ZMYND11: variants seen among roughly 807,000 people sequenced by gnomAD.
The protein encoded by ZMYND11 is zinc finger MYND-type containing 11.
In ZMYND11, 9 loss-of-function variants were observed where a neutral mutation model predicts 84.9. The observed-to-expected ratio is 0.11, with a 90% CI of 0.06 to 0.18. The LOEUF is 0.18. ZMYND11 is among the 10% of genes least tolerant of loss of function. The pLI, the probability that ZMYND11 is intolerant of heterozygous loss-of-function variation, is 1.00. For missense variants in ZMYND11, 409 were observed against 761.0 expected, an observed-to-expected ratio of 0.54 and a Z score of 5.44; for synonymous variants, 250 against 244.1, an observed-to-expected ratio of 1.02 and a Z score of -0.23.
intron 2 of ZMYND11, among the ~76,000 whole-genome samples, chr10:195,650 A>G (rs1941559684): frequency 2.0e-5 from 3 of 152,228 alleles, no homozygotes; most frequent in Non-Finnish European, 4.4e-5. Flanking sequence ...AGGGATAGGC[A>G]TACATAGGGG....
At chr10:147,480 T>C (rs1056684212) in intron 1 of ZMYND11, among the ~76,000 whole-genome samples, 28 of 152,010 alleles carry the variant, frequency 1.8e-4, no homozygotes, top group African/African-American at 5.8e-4. Context: ...AAGCTTCAAA[T>C]TTTTATTTTT....
At chr10:201,057 C>T (rs974974682) in intron 2 of ZMYND11, among the ~76,000 whole-genome samples, 2 of 151,796 alleles carry the variant, frequency 1.3e-5, no homozygotes. Flanking sequence ...AGTCTTTTGA[C>T]AGCAAGATAC....
At chr10:137,607 T>C (rs1836418446) in intron 1 of ZMYND11, among the ~76,000 whole-genome samples, 1 of 152,186 alleles carries the variant, frequency 6.6e-6, no homozygotes, top group African/African-American at 2.4e-5. Context: ...GTGTTGGTTG[T>C]ACTTTGAAAG....
At chr10:243,275 A>G (rs1453623140) in intron 10 of ZMYND11, among the ~76,000 whole-genome samples, 2 of 152,200 alleles carry the variant, frequency 1.3e-5, no homozygotes, top group African/African-American at 2.4e-5. Context: ...TGAGTACTCA[A>G]TAAATGTCAG....
chr10:221,428 C>A lies in ZMYND11; in HGVS notation c.438+72C>A, dbSNP rs1947110962. ...ATTCATAATAGCTTCAAAAAGATATCCCAGGTGGTCTTGCCAGGTGAACGG... is the reference window on the plus strand; with the variant it reads ...ATTCATAATAGCTTCAAAAAGATATACCAGGTGGTCTTGCCAGGTGAACGG... On this transcript the variant is annotated intron_variant, in intron 4 of 14. Transcript: ENST00000381604. 7.3e-6 allele frequency: 11 copies of A among 1,499,108 alleles called. No homozygotes were observed. The South Asian group carries it at 1.3e-4, about 18-fold the overall frequency. 92.9% of individuals were successfully genotyped at this position (1,499,108 alleles called of 1,614,324 possible). A position where few individuals can be genotyped will look rare whatever the true frequency, so the allele number is the denominator to read the frequency against.
At chr10:221,169 C>A (rs373877925) in intron 3 of ZMYND11, 26 bp from the exon 4 acceptor site, 1 of 1,607,046 alleles carries the variant, frequency 6.2e-7, no homozygotes. Context: ...AAATGTCATA[C>A]AAAACTATTT....
At chr10:157,984 T>G (rs1842085329) in intron 1 of ZMYND11, among the ~76,000 whole-genome samples, 1 of 152,272 alleles carries the variant, frequency 6.6e-6, no homozygotes, top group Non-Finnish European at 1.5e-5. Flanking sequence ...TGTTTCTGGC[T>G]GCTTTCACTT....
At chr10:176,522 G>A (rs187259712) in intron 1 of ZMYND11, among the ~76,000 whole-genome samples, 120 of 152,136 alleles carry the variant, frequency 7.9e-4, no homozygotes, top group African/African-American at 2.8e-3. Flanking sequence ...ATTTTATATT[G>A]AAGGTTTAGT....
chr10:197,817 A>G (rs1368064527), intron 2 of ZMYND11: 5 of 407,116 alleles, frequency 1.2e-5, no homozygotes, highest in Non-Finnish European at 2.2e-5. Flanking sequence ...TATGTAATAA[A>G]CAATATGCCA....
At chr10:213,500 C>T (rs1945629614) in intron 3 of ZMYND11, among the ~76,000 whole-genome samples, 2 of 152,126 alleles carry the variant, frequency 1.3e-5, no homozygotes, top group Admixed American at 6.5e-5. Flanking sequence ...GAAGGGAAGG[C>T]ATAGGATGTT....
chr10:157,895 C>T (rs782408313), intron 1 of ZMYND11, among the ~76,000 whole-genome samples: 2 of 152,164 alleles, frequency 1.3e-5, no homozygotes, highest in South Asian at 2.1e-4. Context: ...ACCCGATCCC[C>T]GGGCACCTTC....
intron 11 of ZMYND11, 44 bp downstream of exon 11, chr10:247,017 T>C (rs1952298559): frequency 6.6e-7 from 1 of 1,522,898 alleles, no homozygotes; most frequent in Non-Finnish European, 8.9e-7. Flanking sequence ...TTATTACTTT[T>C]AAATGCAGAA....
chr10:186,346 TA>T (rs1465194108), intron 2 of ZMYND11, among the ~76,000 whole-genome samples: 1 of 151,480 alleles, frequency 6.6e-6, no homozygotes, highest in African/African-American at 2.4e-5. Context: ...GGTTGCAGTT[TA>T]AAAAAGAAAT....
intron 1 of ZMYND11, among the ~76,000 whole-genome samples, chr10:142,416 G>T (rs1179587394): frequency 6.6e-6 from 1 of 152,058 alleles, no homozygotes; most frequent in Non-Finnish European, 1.5e-5. Context: ...GTCACTTTTT[G>T]AGCATCTCAC....
chr10:155,099 G>C (rs1323012101), intron 1 of ZMYND11, among the ~76,000 whole-genome samples: 7 of 151,904 alleles, frequency 4.6e-5, no homozygotes, highest in Admixed American at 4.6e-4. Flanking sequence ...TATTTTATTT[G>C]TTTATTTATT....
At chr10:233,514 A>C (rs1463196389) in intron 4 of ZMYND11, among the ~76,000 whole-genome samples, 1 of 152,234 alleles carries the variant, frequency 6.6e-6, no homozygotes, top group Non-Finnish European at 1.5e-5. Context: ...GGATATCTGA[A>C]TCTGAATGGT....
At chr10:204,406 T>G (rs1281952431) in intron 2 of ZMYND11, among the ~76,000 whole-genome samples, 3 of 152,224 alleles carry the variant, frequency 2.0e-5, no homozygotes, top group African/African-American at 7.2e-5. Flanking sequence ...AGTTTTGGTC[T>G]TCTTTTCAAT....
chr10:208,424 G>A (rs900505936), intron 2 of ZMYND11, among the ~76,000 whole-genome samples: 4 of 152,042 alleles, frequency 2.6e-5, no homozygotes, highest in Admixed American at 6.6e-5. Flanking sequence ...AGAATCTACA[G>A]TGAACTCAAA....
Position 237,672 on chromosome 10 carries a change from C to A in ZMYND11, c.604C>A (p.Gln202Lys), listed in dbSNP as rs1282678709. The A allele has an allele frequency of 6.2e-7, 1 of 1,606,826 alleles. No homozygotes were observed. Among genetic ancestry groups the A allele is most frequent in the Non-Finnish European group, 8.5e-7 (1 of 1,177,576 alleles). Residue 202 changes from glutamine (Q) to lysine (K), a missense_variant, in exon 6 of 15, where the codon CAA becomes AAA. Gln to Lys is a moderately conservative substitution (Grantham distance 53). This residue lies in a region of ZMYND11 where 53 missense variants were observed against 71.1 expected (regional missense o/e 0.75). Transcript: ENST00000381604. ...VHSAVDVPTIQEKVNEGKYRS... is the reference protein window; with the variant it reads ...VHSAVDVPTIKEKVNEGKYRS... ...CTCAGCTGTGGACGTTCCCACCATT[C>A]AAGAGGTAAAGTCGGTTTCTTTTAT...
Sources: gnomAD v4.1 joint callset for allele counts (sites outside exome capture counted in the v4.1 genomes callset) on GRCh38, gnomAD v4.1.1 for gene constraint, gnomAD v4.1.1 regional missense constraint, MANE v1.5 for transcripts, NCBI Gene and HGNC (gene_info 2026-07-23, HGNC 2026-07-21) for gene names.